The following GPC5 variants were observed in gnomAD, a reference collection of about 807,000 sequenced individuals.
The protein encoded by GPC5 is glypican-5.
A neutral mutation model predicts 53.9 loss-of-function variants in GPC5; 47 were observed. The observed-to-expected ratio is 0.87, with a 90% CI of 0.69 to 1.11. GPC5 has a LOEUF of 1.11. Ranked by LOEUF, GPC5 falls within the 50% of genes most tolerant of loss-of-function variation. The pLI is 0.00. For synonymous variants in GPC5, 286 were observed against 263.3 expected (o/e 1.09, Z -0.84); for missense variants, 748 against 713.1 (o/e 1.05, Z -0.56).
chr13:91,787,334 T>C (rs1386619277), intron 5 of GPC5, among the ~76,000 whole-genome samples: 1 of 152,204 alleles, frequency 6.6e-6, no homozygotes, highest in Non-Finnish European at 1.5e-5. Flanking sequence ...ATATATGGTC[T>C]CATATGAACC....
chr13:92,502,267 A>G (rs1880213872), intron 7 of GPC5, among the ~76,000 whole-genome samples: 3 of 152,132 alleles, frequency 2.0e-5, no homozygotes, highest in African/African-American at 7.2e-5. Flanking sequence ...AGTAAAAAAG[A>G]TGTTGGAATA....
At position 92,693,324 on chromosome 13, in the gene GPC5, G is replaced by C. The variant is rs142183297; in HGVS notation, c.1562-172958G>C. ...TGGGTAATGGACAGAGGTTGGAACAGTTTAGAAGGCTCATAATAAGATAGG... is the reference window on the plus strand; with the variant it reads ...TGGGTAATGGACAGAGGTTGGAACACTTTAGAAGGCTCATAATAAGATAGG... On this transcript the variant is annotated intron_variant, in intron 7 of 7. Coordinates refer to ENST00000377067, the MANE Select transcript of GPC5 (RefSeq NM_004466.6). Among the ~76,000 whole-genome samples the C allele has an allele frequency of 4.2e-4, 64 of 152,262 alleles. No homozygotes were observed. In the East Asian group the frequency reaches 0.012, roughly 28 times the overall value.
intron 1 of GPC5, among the ~76,000 whole-genome samples, chr13:91,419,656 G>A (rs1201184234): frequency 6.6e-6 from 1 of 152,144 alleles, no homozygotes; most frequent in Non-Finnish European, 1.5e-5. Context: ...TCGTGGCCAG[G>A]AAGAGGTAAA....
At chr13:92,179,081 A>T (rs1458159369) in intron 7 of GPC5, among the ~76,000 whole-genome samples, 1 of 152,184 alleles carries the variant, frequency 6.6e-6, no homozygotes, top group Non-Finnish European at 1.5e-5. Context: ...TCATCAAATG[A>T]CTACACTTGT....
chr13:91,443,105 C>T (rs779164414), intron 1 of GPC5, among the ~76,000 whole-genome samples: 4 of 152,116 alleles, frequency 2.6e-5, no homozygotes, highest in African/African-American at 7.2e-5. Context: ...TATTGAAACT[C>T]GAATTGTCTC....
intron 2 of GPC5, among the ~76,000 whole-genome samples, chr13:91,609,940 G>C (rs542300192): frequency 1.3e-5 from 2 of 152,190 alleles, no homozygotes; most frequent in Non-Finnish European, 2.9e-5. Context: ...GCGATTCAAA[G>C]ACAGGTCCTC....
intron 6 of GPC5, among the ~76,000 whole-genome samples, chr13:92,009,886 C>T (rs1165491796): frequency 2.6e-5 from 4 of 152,150 alleles, no homozygotes; most frequent in Admixed American, 2.6e-4. Flanking sequence ...CCATATTTCA[C>T]AGTTGCTTTC....
intron 2 of GPC5, among the ~76,000 whole-genome samples, chr13:91,685,015 C>A (rs533856340): frequency 5.9e-5 from 9 of 152,180 alleles, no homozygotes; most frequent in Non-Finnish European, 1.3e-4. Context: ...GGCTCTTTTT[C>A]ATCACTGAGG....
In GPC5 at chr13:92,570,518, CT is replaced by C. The variant is rs1882991529; in HGVS notation, c.1562-295760del. ...AAAATAAAGGTTATTTAATTTAAATCTTTTAGCAGATATTGTTCTGTAACTC... is the reference window on the plus strand; with the variant it reads ...AAAATAAAGGTTATTTAATTTAAATCTTTAGCAGATATTGTTCTGTAACTC... On this transcript the variant is annotated intron_variant, in intron 7 of 7. Coordinates refer to ENST00000377067, the MANE Select transcript of GPC5 (RefSeq NM_004466.6). Among the ~76,000 whole-genome samples, 6 of 152,116 alleles carry C rather than the reference CT, an allele frequency of 3.9e-5. No individual in the cohort carries two copies. The East Asian group carries it at 1.2e-3, about 29-fold the overall frequency.
intron 7 of GPC5, among the ~76,000 whole-genome samples, chr13:92,741,717 C>T (rs1889100096): frequency 1.3e-5 from 2 of 151,988 alleles, no homozygotes; most frequent in Non-Finnish European, 2.9e-5. Flanking sequence ...GGTATATCTC[C>T]TAATGCTATC....
intron 6 of GPC5, among the ~76,000 whole-genome samples, chr13:91,973,997 A>G (rs889785562): frequency 2.0e-5 from 3 of 151,896 alleles, no homozygotes; most frequent in Non-Finnish European, 4.4e-5. Context: ...GAGAACCACT[A>G]CTCTCTTCAA....
intron 7 of GPC5, among the ~76,000 whole-genome samples, chr13:92,201,075 A>G (rs9523535): frequency 0.82 from 125,316 of 152,014 alleles, 51,856 homozygotes; most frequent in East Asian, 0.99. Context: ...ATCATTAAGG[A>G]TATACTGAAC....
At chr13:91,991,557 AT>A (rs567687164) in intron 6 of GPC5, among the ~76,000 whole-genome samples, 2,021 of 150,900 alleles carry the variant, frequency 0.013, 40 homozygotes, top group African/African-American at 0.046. Context: ...TAAAGGAAGA[AT>A]TTTTTTTTTC....
intron 7 of GPC5, among the ~76,000 whole-genome samples, chr13:92,585,080 A>T (rs1883496540): frequency 6.6e-6 from 1 of 152,142 alleles, no homozygotes; most frequent in South Asian, 2.1e-4. Flanking sequence ...GTGGGGTCAG[A>T]GACCCCACAC....
chr13:92,487,439 C>T (rs116419149), intron 7 of GPC5, among the ~76,000 whole-genome samples: 2 of 152,068 alleles, frequency 1.3e-5, no homozygotes, highest in East Asian at 3.9e-4. Context: ...TGTCATGATT[C>T]ACCAAAGGCA....
At chr13:91,639,554 A>G (rs2034368349) in intron 2 of GPC5, among the ~76,000 whole-genome samples, 1 of 152,186 alleles carries the variant, frequency 6.6e-6, no homozygotes, top group African/African-American at 2.4e-5. Flanking sequence ...CCTGGAGTCT[A>G]AGAACTTACT....
chr13:91,722,159 AAGAG>A (rs1388811979), intron 3 of GPC5, among the ~76,000 whole-genome samples: 1 of 151,996 alleles, frequency 6.6e-6, no homozygotes, highest in Admixed American at 6.5e-5. Flanking sequence ...AGGAAAGAAA[AAGAG>A]AGAAAGAGAA....
At chr13:91,897,858 G>A (rs1354177243) in intron 5 of GPC5, among the ~76,000 whole-genome samples, 1 of 152,058 alleles carries the variant, frequency 6.6e-6, no homozygotes, top group African/African-American at 2.4e-5. Context: ...GGTGCAGTGC[G>A]ACCACACAGT....
chr13:91,598,206 C>T (rs1190330798), intron 2 of GPC5, among the ~76,000 whole-genome samples: 2 of 152,066 alleles, frequency 1.3e-5, no homozygotes, highest in African/African-American at 4.8e-5. Context: ...GGCTGTTGCT[C>T]TTCTAGTGCT....
Sources: allele counts gnomAD v4.1 joint callset (sites outside exome capture counted in the v4.1 genomes callset), GRCh38; gene constraint gnomAD v4.1.1; transcripts MANE v1.5; gene names NCBI Gene and HGNC (gene_info 2026-07-23, HGNC 2026-07-21).